Variants in AFF2 observed in about 807,000 individuals in gnomAD.
AFF2 encodes AF4/FMR2 family member 2.
In AFF2, 14 loss-of-function variants were observed where a neutral mutation model predicts 76.9. That is an observed-to-expected ratio of 0.18 (90% CI 0.12 to 0.28). AFF2 has a LOEUF of 0.28. Ranked by LOEUF, AFF2 falls within the 10% of genes least tolerant of loss-of-function variation. The pLI, the probability that AFF2 is intolerant of heterozygous loss-of-function variation, is 1.00. For synonymous variants in AFF2, 398 were observed against 366.7 expected (o/e 1.09, Z -0.98); for missense variants, 868 against 1,001.1 (o/e 0.87, Z 1.79).
intron 3 of AFF2, among the ~76,000 whole-genome samples, chrX:148,795,855 A>G (rs1161745782): frequency 2.0e-5 from 1 of 50,846 alleles, no homozygotes; most frequent in African/African-American, 6.3e-5. Context: ...ATATATATAT[A>G]TATATATATA....
At chrX:148,553,729 C>T (rs1389897910) in intron 1 of AFF2, among the ~76,000 whole-genome samples, 2 of 111,476 alleles carry the variant, frequency 1.8e-5, no homozygotes, top group Non-Finnish European at 3.8e-5. Flanking sequence ...TCATTCTTTG[C>T]TGTTTGTTTA....
intron 3 of AFF2, among the ~76,000 whole-genome samples, chrX:148,789,264 A>T (rs1190461249): frequency 8.9e-6 from 1 of 112,118 alleles, no homozygotes; most frequent in Non-Finnish European, 1.9e-5. Flanking sequence ...CAAGGAAATT[A>T]TGAGAATTTG....
intron 1 of AFF2, among the ~76,000 whole-genome samples, chrX:148,602,596 A>G (rs1241367711): frequency 9.0e-6 from 1 of 110,715 alleles, no homozygotes; most frequent in Non-Finnish European, 1.9e-5. Context: ...GGAGGTAGGT[A>G]GATGAAATTT....
chrX:148,847,139 T>C (rs1557274833), intron 7 of AFF2, among the ~76,000 whole-genome samples: 1 of 112,109 alleles, frequency 8.9e-6, no homozygotes, highest in African/African-American at 3.2e-5. Flanking sequence ...CTTTGTTCAG[T>C]TGGATTGATT....
At chrX:148,896,425 A>T (rs1462353937) in intron 8 of AFF2, among the ~76,000 whole-genome samples, 1 of 112,006 alleles carries the variant, frequency 8.9e-6, no homozygotes, top group Non-Finnish European at 1.9e-5. Context: ...GAAGGAGAAG[A>T]CATCTAAAAT....
intron 3 of AFF2, among the ~76,000 whole-genome samples, chrX:148,687,739 A>C (rs782472581): frequency 3.3e-4 from 36 of 110,660 alleles, no homozygotes; most frequent in Non-Finnish European, 4.5e-4. Context: ...GCTTTGTTTA[A>C]TACACATTGA....
intron 1 of AFF2, among the ~76,000 whole-genome samples, chrX:148,624,674 T>C (rs1226430223): frequency 8.9e-6 from 1 of 112,103 alleles, no homozygotes; most frequent in East Asian, 2.8e-4. Flanking sequence ...GCTAAAATAA[T>C]ATTCACAGTT....
rs782702685 is a variant in AFF2, at chrX:148,993,659, A to T, written c.*2327A>T. 3.6e-5 allele frequency: 4 copies of T among 112,067 alleles called. No homozygotes were observed. Among genetic ancestry groups the T allele is most frequent in the Non-Finnish European group, 7.5e-5 (4 of 53,217 alleles). 9.2% of individuals were successfully genotyped at this position (112,067 alleles called of 1,213,427 possible). A position where few individuals can be genotyped will look rare whatever the true frequency, so the allele number is the denominator to read the frequency against. ...AGTTCTAGTTTCAGTGACTTGTTAT[A>T]TCTACTTACATACAACAGGGAGGCA... On this transcript the variant is annotated 3_prime_UTR_variant, in exon 21 of 21. Transcript: ENST00000370460.
intron 8 of AFF2, among the ~76,000 whole-genome samples, chrX:148,902,861 T>C (rs2071368425): frequency 8.9e-6 from 1 of 111,873 alleles, no homozygotes; most frequent in Non-Finnish European, 1.9e-5. Flanking sequence ...CAAATATTAA[T>C]GGTTATTTAT....
chrX:148,889,821 G>A (rs1434157334), intron 8 of AFF2, among the ~76,000 whole-genome samples: 1 of 111,658 alleles, frequency 9.0e-6, no homozygotes, highest in African/African-American at 3.3e-5. Flanking sequence ...AAAGACCTAA[G>A]TACCTATAAA....
chrX:148,671,237 A>G (rs782731088), intron 3 of AFF2, among the ~76,000 whole-genome samples: 1 of 112,119 alleles, frequency 8.9e-6, no homozygotes, highest in Non-Finnish European at 1.9e-5. Flanking sequence ...GTTTTAACAA[A>G]ATTTAATTCT....
chrX:148,957,198 C>T (rs1569557671), intron 11 of AFF2, among the ~76,000 whole-genome samples: 1 of 111,720 alleles, frequency 9.0e-6, no homozygotes, highest in South Asian at 3.8e-4. Context: ...CTCATTCTGT[C>T]GTATCTCCAC....
chrX:148,627,326 G>A (rs1487756601), intron 1 of AFF2, among the ~76,000 whole-genome samples: 3 of 112,198 alleles, frequency 2.7e-5, no homozygotes, highest in Admixed American at 9.4e-5. Flanking sequence ...TAGAAGAAAC[G>A]TTTTTCGAGG....
chrX:148,876,448 T>C (rs1025618366), intron 7 of AFF2, among the ~76,000 whole-genome samples: 5 of 111,807 alleles, frequency 4.5e-5, no homozygotes, highest in Non-Finnish European at 9.4e-5. Context: ...CTAGTTCTTA[T>C]GGATGTGTGT....
chrX:148,985,285 CTTTTTTTTTTTTTTTTTT>C (rs151339705), intron 19 of AFF2, among the ~76,000 whole-genome samples: 363 of 15,386 alleles, frequency 0.024, 9 homozygotes, highest in Admixed American at 0.033. Flanking sequence ...TGTGCCTGGC[CTTTTTTTTTTTTTTTTTT>C]TTTTTTTTTT....
chrX:148,800,302 T>C (rs2070040272), intron 3 of AFF2, among the ~76,000 whole-genome samples: 1 of 111,464 alleles, frequency 9.0e-6, no homozygotes, highest in African/African-American at 3.3e-5. Context: ...AGGCGCCAAG[T>C]TCGTTAGAGG....
chrX:148,933,984 G>T (rs1160562482), intron 9 of AFF2, among the ~76,000 whole-genome samples: 1 of 111,561 alleles, frequency 9.0e-6, no homozygotes, highest in Non-Finnish European at 1.9e-5. Flanking sequence ...CAACTCAGTG[G>T]TTCTCAAACT....
rs529502143 is a variant in AFF2 at position 148,999,360 on chromosome X, A to G, written c.*8028A>G. 3.6e-5 allele frequency: 4 copies of G among 112,495 alleles called. No homozygotes were observed. The Admixed American group carries it at 3.7e-4, about 11-fold the overall frequency. 9.3% of individuals were successfully genotyped at this position (112,495 alleles called of 1,213,427 possible). ...ATGTTGTAAATGAAGATGTGACTCTATAACCTTTCTCTTCTTCCTGGAAAA... is the reference window on the plus strand; with the variant it reads ...ATGTTGTAAATGAAGATGTGACTCTGTAACCTTTCTCTTCTTCCTGGAAAA... On this transcript the variant is annotated 3_prime_UTR_variant, in exon 21 of 21. Coordinates refer to ENST00000370460, the MANE Select transcript of AFF2 (RefSeq NM_002025.4).
At chrX:148,785,056 C>G (rs782546251) in intron 3 of AFF2, among the ~76,000 whole-genome samples, 5 of 111,924 alleles carry the variant, frequency 4.5e-5, no homozygotes, top group African/African-American at 1.6e-4. Flanking sequence ...CTTGCTCCCC[C>G]CCTTCCCCCA....
Sources: gnomAD v4.1 joint callset for allele counts (sites outside exome capture counted in the v4.1 genomes callset) on GRCh38, gnomAD v4.1.1 for gene constraint, MANE v1.5 for transcripts, NCBI Gene and HGNC (gene_info 2026-07-23, HGNC 2026-07-21) for gene names.